Variants in TULP4 observed in about 807,000 individuals in gnomAD.
TULP4 encodes TUB like protein 4.
Under a neutral mutation model 129.0 loss-of-function variants are expected in TULP4, and 16 were observed. The observed-to-expected ratio is 0.12, with a 90% CI of 0.08 to 0.19. The LOEUF (loss-of-function observed/expected upper bound fraction) is 0.19, where lower values mean the gene tolerates loss of function less well. TULP4 is among the 10% of genes least tolerant of loss of function. The probability of loss-of-function intolerance (pLI) is 1.00; values close to 1 mark genes in which losing one functional copy is unlikely to be tolerated. For missense variants in TULP4, 1,842 were observed against 2,059.1 expected (o/e 0.89, Z 2.04); for synonymous variants, 998 against 854.0 (o/e 1.17, Z -2.94).
At chr6:158,393,391 A>T (rs892142281) in intron 1 of TULP4, among the ~76,000 whole-genome samples, 2 of 152,208 alleles carry the variant, frequency 1.3e-5, no homozygotes, top group African/African-American at 4.8e-5. Context: ...CAGCTTCACC[A>T]GGCAGTGCCC....
intron 1 of TULP4, among the ~76,000 whole-genome samples, chr6:158,393,409 G>T (rs539357237): frequency 1.3e-5 from 2 of 152,240 alleles, no homozygotes; most frequent in Non-Finnish European, 2.9e-5. Flanking sequence ...CCCCAGTGGG[G>T]ACTCTGTGTG....
chr6:158,416,000 T>C (rs827963), intron 2 of TULP4, among the ~76,000 whole-genome samples: 110,257 of 152,170 alleles, frequency 0.72, 40,358 homozygotes, highest in African/African-American at 0.78. Flanking sequence ...TGGCCGAAGG[T>C]CCAAGAGCCC....
chr6:158,349,087 T>A (rs1204836226), intron 1 of TULP4, among the ~76,000 whole-genome samples: 11 of 83,990 alleles, frequency 1.3e-4, no homozygotes, highest in South Asian at 4.9e-4. Flanking sequence ...CGCTCCTCAC[T>A]TCCCAGATGG....
At chr6:158,369,482 A>G (rs1013937475) in intron 1 of TULP4, among the ~76,000 whole-genome samples, 23 of 152,324 alleles carry the variant, frequency 1.5e-4, no homozygotes, top group Middle Eastern at 3.4e-3. Context: ...CTTGGGCAAC[A>G]GAGTGAGACC....
At chr6:158,423,135 G>GGGAA (rs1778391423) in intron 2 of TULP4, among the ~76,000 whole-genome samples, 1 of 124,344 alleles carries the variant, frequency 8.0e-6, no homozygotes, top group Non-Finnish European at 1.8e-5. Context: ...GGGGGGGGGG[G>GGGAA]AAAGAAACCT....
Position 158,312,988 on chromosome 6 carries a change from A to G in TULP4, c.-1029A>G, listed in dbSNP as rs535478959. ...ACCTGATGGACTTAATTCTAAGATT[A>G]GCTTTTTTCATCAAGATGGAAAAAG... On this transcript the variant is annotated 5_prime_UTR_variant, in exon 1 of 14. Transcript: ENST00000367097. The G allele has an allele frequency of 2.0e-5, 3 of 152,686 alleles. No individual in the cohort carries two copies. Among genetic ancestry groups the G allele is most frequent in the African/African-American group, 7.2e-5 (3 of 41,604 alleles). 9.5% of individuals were successfully genotyped at this position (152,686 alleles called of 1,614,324 possible). A position where few individuals can be genotyped will look rare whatever the true frequency, so the allele number is the denominator to read the frequency against.
Position 158,469,626 on chromosome 6 carries a change from G to A in TULP4, c.1026+7897G>A, listed in dbSNP as rs74621828. ...GCAGCCACATCTCTAAGTGTGGAAG[G>A]CGTTTGGGGATGAGGGACTAGAACT... On this transcript the variant is annotated intron_variant, in intron 6 of 13. Transcript: ENST00000367097. Among the ~76,000 whole-genome samples the A allele has an allele frequency of 3.4e-4, 51 of 152,070 alleles. No individual in the cohort carries two copies. In the East Asian group the frequency reaches 6.2e-3, roughly 19 times the overall value.
chr6:158,452,122 G>A lies in TULP4; in HGVS notation c.725-12G>A, dbSNP rs752094796. On this transcript the variant is annotated splice_polypyrimidine_tract_variant and intron_variant, in intron 4 of 13. Transcript: ENST00000367097. ...CTTCCCTCCTTTTCACTTGGCACTTGTGTTCCTGCAGATGGTCCGGCAGCA... is the reference window on the plus strand; with the variant it reads ...CTTCCCTCCTTTTCACTTGGCACTTATGTTCCTGCAGATGGTCCGGCAGCA... 2.5e-6 allele frequency: 4 copies of A among 1,613,104 alleles called. No individual in the cohort carries two copies. The South Asian group carries it at 4.4e-5, about 18-fold the overall frequency.
chr6:158,451,475 T>G (rs1779161052), intron 4 of TULP4, among the ~76,000 whole-genome samples: 1 of 152,218 alleles, frequency 6.6e-6, no homozygotes, highest in South Asian at 2.1e-4. Context: ...GGGCTTACTT[T>G]TGCTTTTTCA....
chr6:158,287,155 T>G (rs1006452857), intron 1 of TULP4, among the ~76,000 whole-genome samples: 8 of 152,130 alleles, frequency 5.3e-5, no homozygotes, highest in Non-Finnish European at 8.8e-5. Context: ...GAGGCCAACC[T>G]GGAGTATATG....
chr6:158,284,484 T>C (rs73794549), intron 1 of TULP4, among the ~76,000 whole-genome samples: 3,555 of 152,252 alleles, frequency 0.023, 151 homozygotes, highest in African/African-American at 0.081. Flanking sequence ...GATAGAAACA[T>C]TGCTAGACAT....
chr6:158,316,141 T>A (rs1006751805), intron 1 of TULP4, among the ~76,000 whole-genome samples: 1 of 152,230 alleles, frequency 6.6e-6, no homozygotes, highest in Non-Finnish European at 1.5e-5. Context: ...TCTTTTTAAC[T>A]GATGTGAATT....
At chr6:158,495,048 AT>A (rs536135379) in intron 11 of TULP4, among the ~76,000 whole-genome samples, 121 of 146,816 alleles carry the variant, frequency 8.2e-4, no homozygotes, top group African/African-American at 1.8e-3. Context: ...TGCCAGTGGC[AT>A]TTTTTTTTTT....
At chr6:158,316,832 C>T (rs1779503394) in intron 1 of TULP4, among the ~76,000 whole-genome samples, 1 of 152,198 alleles carries the variant, frequency 6.6e-6, no homozygotes, top group Non-Finnish European at 1.5e-5. Context: ...TGGCAGAAAT[C>T]AGTTCCTTGT....
chr6:158,434,671 C>T (rs1778713050), intron 3 of TULP4, among the ~76,000 whole-genome samples: 1 of 152,172 alleles, frequency 6.6e-6, no homozygotes. Context: ...ACTGTCAATT[C>T]ACTTGGAAAG....
At chr6:158,393,699 A>G (rs1187250626) in intron 1 of TULP4, among the ~76,000 whole-genome samples, 1 of 152,216 alleles carries the variant, frequency 6.6e-6, no homozygotes, top group East Asian at 1.9e-4. Flanking sequence ...GCTGGGACAC[A>G]GGGTGCCATG....
chr6:158,444,214 T>C (rs341124), intron 3 of TULP4, among the ~76,000 whole-genome samples: 58,516 of 109,714 alleles, frequency 0.53, 16,376 homozygotes, highest in African/African-American at 0.69. Flanking sequence ...AGCAAGACTC[T>C]GTCTCAAAAA....
At chr6:158,348,166 T>TAAG (rs1780357799) in intron 1 of TULP4, among the ~76,000 whole-genome samples, 1 of 101,406 alleles carries the variant, frequency 9.9e-6, no homozygotes, top group Non-Finnish European at 1.9e-5. Flanking sequence ...TTTTTTTTTT[T>TAAG]TTTAAGGTTT....
At chr6:158,300,153 C>T (rs1779108042) in intron 1 of TULP4, among the ~76,000 whole-genome samples, 1 of 152,168 alleles carries the variant, frequency 6.6e-6, no homozygotes, top group South Asian at 2.1e-4. Flanking sequence ...TTTTTATTGT[C>T]AGTATTCACA....
Sources: allele counts gnomAD v4.1 joint callset (sites outside exome capture counted in the v4.1 genomes callset), GRCh38; gene constraint gnomAD v4.1.1; transcripts MANE v1.5; gene names NCBI Gene and HGNC (gene_info 2026-07-23, HGNC 2026-07-21).